RANBP2: variants seen among roughly 807,000 people sequenced by gnomAD.
The protein encoded by RANBP2 is E3 SUMO-protein ligase RanBP2.
A neutral mutation model predicts 303.6 loss-of-function variants in RANBP2; 57 were observed. That is an observed-to-expected ratio of 0.19 (90% CI 0.15 to 0.23). The LOEUF is 0.23. RANBP2 is among the 10% of genes least tolerant of loss of function. The pLI, the probability that RANBP2 is intolerant of heterozygous loss-of-function variation, is 1.00. For synonymous variants in RANBP2, 1,167 were observed against 1,301.5 expected, an observed-to-expected ratio of 0.90 and a Z score of 2.23; for missense variants, 3,138 against 3,780.8, an observed-to-expected ratio of 0.83 and a Z score of 4.46.
the RANBP2 span, among the ~76,000 whole-genome samples, chr2:109,368,844 T>A: frequency 7.2e-5 from 11 of 152,324 alleles, no homozygotes; most frequent in Admixed American, 7.2e-4. Context: ...ACAGCTCTGA[T>A]GTGTGGGAAG....
the RANBP2 span, chr2:109,737,012 G>A: frequency 2.6e-3 from 783 of 296,896 alleles, 6 homozygotes; most frequent in African/African-American, 0.016. Flanking sequence ...CCCAAAGGAA[G>A]CCCTTTGACT....
At chr2:108,889,479 CAT>C in the RANBP2 span, among the ~76,000 whole-genome samples, 3 of 152,084 alleles carry the variant, frequency 2.0e-5, no homozygotes, top group Non-Finnish European at 2.9e-5. Context: ...ATATTCTAGA[CAT>C]ATATATTTAG....
the RANBP2 span, among the ~76,000 whole-genome samples, chr2:109,570,718 T>G: frequency 6.6e-6 from 1 of 151,900 alleles, no homozygotes; most frequent in Non-Finnish European, 1.5e-5. Context: ...GAGATGGGGT[T>G]TCACTGTGTT....
the RANBP2 span, among the ~76,000 whole-genome samples, chr2:109,511,819 G>A: frequency 1.3e-5 from 2 of 152,306 alleles, no homozygotes; most frequent in South Asian, 4.1e-4. Flanking sequence ...AGGAATGGGG[G>A]GTGGACAGAG....
At chr2:109,068,485 A>G in the RANBP2 span, among the ~76,000 whole-genome samples, 1 of 152,244 alleles carries the variant, frequency 6.6e-6, no homozygotes, top group Non-Finnish European at 1.5e-5. Flanking sequence ...ACAGGGCTTG[A>G]CATCACGGAT....
At chr2:108,957,791 C>A in the RANBP2 span, among the ~76,000 whole-genome samples, 6 of 152,230 alleles carry the variant, frequency 3.9e-5, no homozygotes, top group African/African-American at 1.4e-4. Context: ...GTATTTCTTT[C>A]CCCTTTTGCT....
At chr2:108,804,877 TTCTC>T in the RANBP2 span, 20 of 1,501,712 alleles carry the variant, frequency 1.3e-5, no homozygotes, top group South Asian at 9.9e-5. Context: ...AGTTTTTTTT[TTCTC>T]CTCCTAGCAG....
At chr2:109,492,290 G>A in the RANBP2 span, among the ~76,000 whole-genome samples, 14 of 152,304 alleles carry the variant, frequency 9.2e-5, no homozygotes, top group Non-Finnish European at 1.8e-4. Context: ...AGCCGCAGGC[G>A]CAGTTTGCCA....
chr2:109,185,554 G>T, the RANBP2 span, among the ~76,000 whole-genome samples: 1 of 152,210 alleles, frequency 6.6e-6, no homozygotes, highest in Admixed American at 6.5e-5. Flanking sequence ...AATGCTGGGG[G>T]TGGAGTCTCT....
chr2:108,912,658 T>G, the RANBP2 span: 1 of 1,567,404 alleles, frequency 6.4e-7, no homozygotes, highest in South Asian at 1.2e-5. Flanking sequence ...AGGTGATCGA[T>G]ACCTGAGCAC....
chr2:109,570,646 C>T, the RANBP2 span, among the ~76,000 whole-genome samples: 3 of 151,642 alleles, frequency 2.0e-5, no homozygotes, highest in Non-Finnish European at 4.4e-5. Flanking sequence ...CTCAGCCTCC[C>T]GAGTAGCTGG....
At chr2:109,064,495 G>A in the RANBP2 span, among the ~76,000 whole-genome samples, 2 of 148,728 alleles carry the variant, frequency 1.3e-5, no homozygotes, top group Non-Finnish European at 1.5e-5. Context: ...GTAAATGGCA[G>A]AGCTTTGATT....
At chr2:109,303,859 C>G in the RANBP2 span, among the ~76,000 whole-genome samples, 1 of 152,162 alleles carries the variant, frequency 6.6e-6, no homozygotes, top group African/African-American at 2.4e-5. Context: ...AGTTGTGCAT[C>G]GCCTCCTGCC....
At chr2:109,196,168 A>G in the RANBP2 span, among the ~76,000 whole-genome samples, 3 of 152,204 alleles carry the variant, frequency 2.0e-5, no homozygotes, top group Non-Finnish European at 4.4e-5. Context: ...CTGGTTGGCC[A>G]TGGCAGAGCT....
chr2:109,726,082 T>TGA, the RANBP2 span, among the ~76,000 whole-genome samples: 1 of 151,156 alleles, frequency 6.6e-6, no homozygotes, highest in Admixed American at 6.6e-5. Context: ...TGTGTGTGTG[T>TGA]GTGTGTGTGT....
the RANBP2 span, among the ~76,000 whole-genome samples, chr2:109,405,586 C>T: frequency 2.0e-5 from 3 of 152,224 alleles, no homozygotes; most frequent in Admixed American, 2.0e-4. Context: ...TTTGCTGCCC[C>T]TCAGCATGGC....
chr2:108,768,176 G>T lies in RANBP2; in HGVS notation c.7637G>T (p.Gly2546Val). ...GNSSATGSLF[G>V]FSFNAPLKSN... ...AGTTCAGCCACTGGGTCTTTGTTTG[G>T]ATTTAGTTTTAATGCACCTTTGAAA... The change falls in exon 20 of 29, where the codon GGA (glycine) becomes GTA (valine). Residue 2546 changes from glycine (G) to valine (V), a missense_variant. Physicochemically the swap from Gly to Val is moderately radical, Grantham distance 109 (BLOSUM62 -3). Coordinates refer to ENST00000283195, the MANE Select transcript of RANBP2 (RefSeq NM_006267.5). 2 of 1,612,022 alleles carry T rather than the reference G, an allele frequency of 1.2e-6. No homozygotes were observed. Among genetic ancestry groups the T allele is most frequent in the Non-Finnish European group, 1.7e-6 (2 of 1,179,858 alleles).
At chr2:108,787,301 G>A (rs1381405059), downstream of RANBP2, among the ~76,000 whole-genome samples, 2 of 152,174 alleles carry the variant, frequency 1.3e-5, no homozygotes, top group Non-Finnish European at 2.9e-5. Context: ...GAATTCCCTT[G>A]TACCCTCACT....
the RANBP2 span, among the ~76,000 whole-genome samples, chr2:109,221,185 TA>T: frequency 6.6e-6 from 1 of 152,236 alleles, no homozygotes; most frequent in Non-Finnish European, 1.5e-5. Context: ...GGACCTGGAA[TA>T]AAAAGTCAGT....
Sources: allele counts gnomAD v4.1 joint callset (sites outside exome capture counted in the v4.1 genomes callset), GRCh38; gene constraint gnomAD v4.1.1; transcripts MANE v1.5; gene names NCBI Gene and HGNC (gene_info 2026-07-23, HGNC 2026-07-21).